COL25A1: variants seen among roughly 807,000 people sequenced by gnomAD.
COL25A1 encodes collagen type XXV alpha 1 chain, also known as collagen alpha-1(XXV) chain.
Under a neutral mutation model 128.4 loss-of-function variants are expected in COL25A1, and 103 were observed. That is an observed-to-expected ratio of 0.80 (90% CI 0.68 to 0.94). The LOEUF is 0.94. COL25A1 is among the 40% of genes least tolerant of loss of function. COL25A1 has a pLI of 0.00. For synonymous variants in COL25A1, 279 were observed against 277.2 expected (o/e 1.01, Z -0.06); for missense variants, 745 against 840.0 (o/e 0.89, Z 1.40).
chr4:109,265,518 C>CGTGTGTGTGTGTGTGTGT (rs57643656), intron 3 of COL25A1, among the ~76,000 whole-genome samples: 1 of 129,604 alleles, frequency 7.7e-6, no homozygotes, highest in African/African-American at 2.8e-5. Context: ...AATAACAGTA[C>CGTGTGTGTGTGTGTGTGT]GTGTGTGTGT....
At chr4:109,289,409 G>C (rs1056834718) in intron 3 of COL25A1, among the ~76,000 whole-genome samples, 1 of 151,944 alleles carries the variant, frequency 6.6e-6, no homozygotes, top group Non-Finnish European at 1.5e-5. Flanking sequence ...TTTTACATCT[G>C]TATGAAACTC....
chr4:108,995,719 A>G (rs1046961673), intron 6 of COL25A1, among the ~76,000 whole-genome samples: 1 of 152,174 alleles, frequency 6.6e-6, no homozygotes, highest in Admixed American at 6.5e-5. Context: ...AGCCAGAGAG[A>G]AAGGTCAGGT....
intron 3 of COL25A1, among the ~76,000 whole-genome samples, chr4:109,060,481 T>A (rs2125963345): frequency 6.6e-6 from 1 of 152,192 alleles, no homozygotes; most frequent in Non-Finnish European, 1.5e-5. Context: ...GCAGATGAGG[T>A]AAATCATAGC....
chr4:108,973,440 A>G (rs1428750255), intron 8 of COL25A1, among the ~76,000 whole-genome samples: 1 of 152,226 alleles, frequency 6.6e-6, no homozygotes, highest in Non-Finnish European at 1.5e-5. Flanking sequence ...ACAACTACAA[A>G]CCTTTCAAGT....
At chr4:109,157,716 T>C (rs1772168732) in intron 3 of COL25A1, among the ~76,000 whole-genome samples, 1 of 152,248 alleles carries the variant, frequency 6.6e-6, no homozygotes, top group South Asian at 2.1e-4. Flanking sequence ...TTACAAGGAT[T>C]TTGATAGGTT....
intron 5 of COL25A1, among the ~76,000 whole-genome samples, chr4:109,040,090 T>G (rs1759741085): frequency 6.6e-6 from 1 of 152,206 alleles, no homozygotes; most frequent in South Asian, 2.1e-4. Flanking sequence ...ATTAATAATT[T>G]TTTAAAACAT....
intron 5 of COL25A1, among the ~76,000 whole-genome samples, chr4:109,018,703 G>T (rs963670804): frequency 2.6e-5 from 4 of 152,122 alleles, no homozygotes; most frequent in Non-Finnish European, 5.9e-5. Flanking sequence ...AAGCTATAAG[G>T]TGCATCTGAA....
At chr4:108,974,437 T>C (rs548959524) in intron 7 of COL25A1, 44 bp from the exon 8 acceptor site, 17 of 1,611,782 alleles carry the variant, frequency 1.1e-5, no homozygotes, top group South Asian at 8.8e-5. Flanking sequence ...CCAAAATTTA[T>C]ACATGATGTT....
intron 3 of COL25A1, among the ~76,000 whole-genome samples, chr4:109,091,992 C>A (rs1168182698): frequency 1.3e-5 from 2 of 152,158 alleles, no homozygotes; most frequent in Admixed American, 1.3e-4. Flanking sequence ...TGGTCAGGAG[C>A]AATGGATGAC....
intron 16 of COL25A1, among the ~76,000 whole-genome samples, chr4:108,892,697 T>C (rs960519579): frequency 6.6e-6 from 1 of 152,136 alleles, no homozygotes; most frequent in African/African-American, 2.4e-5. Flanking sequence ...GAGACTGTCA[T>C]GTTTGGAAAA....
intron 3 of COL25A1, among the ~76,000 whole-genome samples, chr4:109,277,915 C>T (rs777596776): frequency 1.3e-5 from 2 of 152,114 alleles, no homozygotes; most frequent in Non-Finnish European, 2.9e-5. Context: ...GCAGGTGGAT[C>T]ACCAGGTCAG....
At chr4:108,835,251 A>C (rs570207366) in intron 31 of COL25A1, among the ~76,000 whole-genome samples, 1 of 152,222 alleles carries the variant, frequency 6.6e-6, no homozygotes, top group Non-Finnish European at 1.5e-5. Context: ...TTATTTCTTT[A>C]ATATGGTTTT....
intron 3 of COL25A1, among the ~76,000 whole-genome samples, chr4:109,099,438 C>T (rs1322289666): frequency 1.3e-5 from 2 of 151,932 alleles, no homozygotes; most frequent in Non-Finnish European, 2.9e-5. Flanking sequence ...ACCATTCTTA[C>T]CAAAGGTTCT....
intron 3 of COL25A1, among the ~76,000 whole-genome samples, chr4:109,133,586 A>G (rs1769422236): frequency 6.6e-6 from 1 of 152,202 alleles, no homozygotes; most frequent in African/African-American, 2.4e-5. Context: ...TCTTGTAAAT[A>G]TCAATAGTTA....
intron 3 of COL25A1, among the ~76,000 whole-genome samples, chr4:109,177,156 T>C (rs537753244): frequency 1.6e-4 from 25 of 152,118 alleles, no homozygotes; most frequent in Non-Finnish European, 3.4e-4. Context: ...TTCTTGTCTC[T>C]GAAGACAAAA....
chr4:109,013,932 C>T lies in COL25A1; in HGVS notation c.421-3557G>A, dbSNP rs1008739120. 5.9e-5 allele frequency among the ~76,000 whole-genome samples: 9 copies of T among 152,270 alleles called. 1 individual carries two copies. The South Asian group carries it at 6.2e-4, about 11-fold the overall frequency. On this transcript the variant is annotated intron_variant, in intron 5 of 37. Transcript: ENST00000399132. ...TTACAAACATGTGGTCACTCTTGTGCACTCCTCCCCCACCCCACCAACCCC... is the reference window on the plus strand; with the variant it reads ...TTACAAACATGTGGTCACTCTTGTGTACTCCTCCCCCACCCCACCAACCCC...
chr4:108,820,580 A>C (rs933564190), intron 35 of COL25A1, among the ~76,000 whole-genome samples: 3 of 152,186 alleles, frequency 2.0e-5, no homozygotes, highest in Admixed American at 6.5e-5. Flanking sequence ...AAGTGCTAAT[A>C]CTTTGCAGCA....
At chr4:108,874,213 T>TA in intron 19 of COL25A1, among the ~76,000 whole-genome samples, 1 of 152,272 alleles carries the variant, frequency 6.6e-6, no homozygotes, top group South Asian at 2.1e-4. Context: ...TCAGACTTCA[T>TA]AAAAATGAGC....
intron 3 of COL25A1, among the ~76,000 whole-genome samples, chr4:109,065,172 G>C (rs1015736881): frequency 6.6e-6 from 1 of 152,214 alleles, no homozygotes; most frequent in South Asian, 2.1e-4. Flanking sequence ...CTCAGGGCAT[G>C]ATGCAGGCAC....
Sources: gnomAD v4.1 joint callset for allele counts (sites outside exome capture counted in the v4.1 genomes callset) on GRCh38, gnomAD v4.1.1 for gene constraint, MANE v1.5 for transcripts, NCBI Gene and HGNC (gene_info 2026-07-23, HGNC 2026-07-21) for gene names.